The following NTM variants were observed in gnomAD, a reference collection of about 807,000 sequenced individuals.
NTM encodes IgLON family member 2.
NTM carries 13 observed loss-of-function variants against 42.1 expected under a neutral mutation model. That is an observed-to-expected ratio of 0.31 (90% CI 0.20 to 0.49). NTM has a LOEUF of 0.49. Among genes scored for constraint, NTM ranks in the 20% least tolerant of loss-of-function variants. The probability of loss-of-function intolerance (pLI) is 0.99; values close to 1 mark genes in which losing one functional copy is unlikely to be tolerated. For synonymous variants in NTM, 187 were observed against 179.2 expected (o/e 1.04, Z -0.35); for missense variants, 373 against 452.8 (o/e 0.82, Z 1.60).
chr11:132,185,455 T>C (rs2078250716), intron 3 of NTM, among the ~76,000 whole-genome samples: 1 of 152,198 alleles, frequency 6.6e-6, no homozygotes, highest in African/African-American at 2.4e-5. Flanking sequence ...TTCCAGTACT[T>C]GTCTAATGAG....
At chr11:131,972,016 C>G (rs1240256239) in intron 2 of NTM, among the ~76,000 whole-genome samples, 1 of 130,484 alleles carries the variant, frequency 7.7e-6, no homozygotes, top group African/African-American at 3.0e-5. Flanking sequence ...GCACTCCAGC[C>G]TGGGCGACAG....
chr11:132,195,353 T>A (rs2138345373), intron 3 of NTM, among the ~76,000 whole-genome samples: 1 of 152,210 alleles, frequency 6.6e-6, no homozygotes, highest in South Asian at 2.1e-4. Context: ...ATCAATATTG[T>A]TAAAATGGCC....
At chr11:132,244,907 C>A (rs990315641) in intron 4 of NTM, among the ~76,000 whole-genome samples, 2 of 152,222 alleles carry the variant, frequency 1.3e-5, no homozygotes, top group Non-Finnish European at 2.9e-5. Flanking sequence ...ATAAAGCCTT[C>A]ATTTCCCAGG....
Position 132,071,748 on chromosome 11 carries a change from AT to A in NTM, c.168-74524del, listed in dbSNP as rs112249488. Among the ~76,000 whole-genome samples, 319 of 149,238 alleles carry A rather than the reference AT, an allele frequency of 2.1e-3. 3 individuals carry two copies. The South Asian group carries it at 0.033, about 16-fold the overall frequency. ...TTTTTGTGTGAAAGAGAGAAAGAAC[AT>A]TTTTTTTTTCTGGAATTAGAGTTCA... is the stretch of plus-strand genomic sequence containing the variant. On this transcript the variant is annotated intron_variant, in intron 2 of 8. Coordinates refer to ENST00000683400, the MANE Select transcript of NTM (RefSeq NM_001352005.2).
intron 2 of NTM, among the ~76,000 whole-genome samples, chr11:132,115,894 T>C (rs955581122): frequency 2.6e-5 from 4 of 152,212 alleles, no homozygotes; most frequent in Admixed American, 6.5e-5. Context: ...CCTTTCTCTA[T>C]TGGGGCAAAT....
At chr11:131,425,849 T>A (rs938741078) in intron 1 of NTM, among the ~76,000 whole-genome samples, 2 of 152,148 alleles carry the variant, frequency 1.3e-5, no homozygotes. Context: ...TTTCGGTAAG[T>A]TCTTGGGAGG....
chr11:131,985,169 C>T (rs1175683170), intron 2 of NTM, among the ~76,000 whole-genome samples: 1 of 152,168 alleles, frequency 6.6e-6, no homozygotes, highest in Non-Finnish European at 1.5e-5. Context: ...CCCAGAAACG[C>T]TTTGGCTCTT....
chr11:131,976,038 G>A (rs951079878), intron 2 of NTM, among the ~76,000 whole-genome samples: 1 of 151,990 alleles, frequency 6.6e-6, no homozygotes, highest in African/African-American at 2.4e-5. Flanking sequence ...GAACCCAGTG[G>A]CCTTTGAATG....
At chr11:131,594,271 A>G (rs2059628156) in intron 1 of NTM, among the ~76,000 whole-genome samples, 1 of 152,170 alleles carries the variant, frequency 6.6e-6, no homozygotes, top group Non-Finnish European at 1.5e-5. Context: ...GAAATCCAAT[A>G]CAACTGTCCT....
chr11:131,834,487 G>A (rs561067448), intron 1 of NTM, among the ~76,000 whole-genome samples: 11 of 151,920 alleles, frequency 7.2e-5, no homozygotes, highest in South Asian at 2.1e-4. Context: ...ATCTGACGAC[G>A]TGGAGCTTCT....
chr11:131,680,617 C>A (rs1484045066), intron 1 of NTM, among the ~76,000 whole-genome samples: 3 of 142,382 alleles, frequency 2.1e-5, no homozygotes, highest in African/African-American at 2.7e-5. Flanking sequence ...GTGTCTGTGT[C>A]TGTGAGTGCC....
intron 1 of NTM, among the ~76,000 whole-genome samples, chr11:131,879,553 G>C (rs558199326): frequency 6.6e-6 from 1 of 152,266 alleles, no homozygotes; most frequent in African/African-American, 2.4e-5. Flanking sequence ...GTTTCAGAAA[G>C]GTGGAATGGA....
intron 1 of NTM, among the ~76,000 whole-genome samples, chr11:131,824,491 C>T (rs571829350): frequency 2.0e-5 from 3 of 152,168 alleles, no homozygotes; most frequent in South Asian, 2.1e-4. Context: ...TAGTAGAAAG[C>T]GTAAATCCTT....
chr11:131,705,576 G>A (rs2076513099), intron 1 of NTM, among the ~76,000 whole-genome samples: 1 of 152,058 alleles, frequency 6.6e-6, no homozygotes. Context: ...TAATGATGGT[G>A]TATAAATTAC....
chr11:131,740,644 C>T (rs2081064264), intron 1 of NTM, among the ~76,000 whole-genome samples: 1 of 152,124 alleles, frequency 6.6e-6, no homozygotes, highest in Admixed American at 6.5e-5. Flanking sequence ...TTCTGTCCTT[C>T]TAATCCATGA....
At chr11:131,426,118 G>A (rs1314949256) in intron 1 of NTM, among the ~76,000 whole-genome samples, 1 of 152,136 alleles carries the variant, frequency 6.6e-6, no homozygotes, top group African/African-American at 2.4e-5. Flanking sequence ...TGAGGCGTAT[G>A]CTTCAAGCTC....
At chr11:131,910,737 C>T (rs1565714926) in intron 1 of NTM, 2 of 696,544 alleles carry the variant, frequency 2.9e-6, no homozygotes, top group Non-Finnish European at 3.5e-6. Flanking sequence ...TTGGGGCCGC[C>T]GCGGTCCGCT....
rs568102874 is a variant in NTM, at chr11:132,288,682, C to T, written c.527-19007C>T. On this transcript the variant is annotated intron_variant, in intron 4 of 8. Coordinates refer to ENST00000683400, the MANE Select transcript of NTM (RefSeq NM_001352005.2). Reference sequence around the variant, plus strand: ...TTGCCCAGGCTGGAGTGCAATGGCACGATCTTGGCCCACTGCAACCTCCAG... The same window carrying T: ...TTGCCCAGGCTGGAGTGCAATGGCATGATCTTGGCCCACTGCAACCTCCAG... Among the ~76,000 whole-genome samples the T allele has an allele frequency of 3.4e-4, 52 of 152,192 alleles. No individual in the cohort carries two copies. The South Asian group carries it at 6.8e-3, about 20-fold the overall frequency.
intron 1 of NTM, among the ~76,000 whole-genome samples, chr11:131,865,575 C>T (rs1465710510): frequency 2.6e-5 from 4 of 152,184 alleles, no homozygotes; most frequent in Admixed American, 6.5e-5. Flanking sequence ...GTTGCATGCA[C>T]GTGCTTAGCC....
Sources: gnomAD v4.1 joint callset for allele counts (sites outside exome capture counted in the v4.1 genomes callset) on GRCh38, gnomAD v4.1.1 for gene constraint, MANE v1.5 for transcripts, NCBI Gene and HGNC (gene_info 2026-07-23, HGNC 2026-07-21) for gene names.